Variants in SEMA5A observed in about 807,000 individuals in gnomAD.
The protein encoded by SEMA5A is semaphorin 5A.
Under a neutral mutation model 135.5 loss-of-function variants are expected in SEMA5A, and 55 were observed. That is an observed-to-expected ratio of 0.41 (90% CI 0.33 to 0.51). The LOEUF is 0.51. Ranked by LOEUF, SEMA5A falls within the 20% of genes least tolerant of loss-of-function variation. SEMA5A has a pLI of 0.37. For missense variants in SEMA5A, 1,290 were observed against 1,419.9 expected (o/e 0.91, Z 1.47); for synonymous variants, 580 against 546.5 (o/e 1.06, Z -0.85).
At chr5:9,340,601 G>A (rs528360209) in intron 3 of SEMA5A, among the ~76,000 whole-genome samples, 25 of 152,276 alleles carry the variant, frequency 1.6e-4, no homozygotes, top group African/African-American at 5.5e-4. Flanking sequence ...AAGGAGTCAT[G>A]TACAGAGGAA....
chr5:9,493,166 C>A (rs1295408073), intron 1 of SEMA5A, among the ~76,000 whole-genome samples: 1 of 151,660 alleles, frequency 6.6e-6, no homozygotes, highest in African/African-American at 2.4e-5. Flanking sequence ...TGCTGTTAAC[C>A]TAAAACTGCT....
intron 12 of SEMA5A, among the ~76,000 whole-genome samples, chr5:9,154,045 CAAAAAA>C (rs1157417525): frequency 0.05 from 1,695 of 33,992 alleles, 124 homozygotes; most frequent in East Asian, 0.4. Flanking sequence ...GACTGTGTCT[CAAAAAA>C]AAAAAAAAAA....
chr5:9,337,956 G>A, intron 3 of SEMA5A, 144 bp from the exon 4 acceptor site: 1 of 577,300 alleles, frequency 1.7e-6, no homozygotes. Flanking sequence ...GAGGCCACTG[G>A]AGGTTTCCCT....
chr5:9,449,040 C>T (rs1236761041), intron 1 of SEMA5A, among the ~76,000 whole-genome samples: 1 of 152,162 alleles, frequency 6.6e-6, no homozygotes, highest in Non-Finnish European at 1.5e-5. Context: ...GCAGAAATAC[C>T]ATTTGACCCA....
chr5:9,166,996 G>A (rs746736455), intron 11 of SEMA5A, among the ~76,000 whole-genome samples: 30 of 152,284 alleles, frequency 2.0e-4, no homozygotes, highest in Admixed American at 6.5e-4. Context: ...GCCCCCAGTG[G>A]TGAAATTTAT....
At chr5:9,432,910 T>A (rs1757906478) in intron 2 of SEMA5A, among the ~76,000 whole-genome samples, 1 of 152,192 alleles carries the variant, frequency 6.6e-6, no homozygotes, top group African/African-American at 2.4e-5. Context: ...ATAAAATTTT[T>A]TAAAAATGAA....
intron 3 of SEMA5A, among the ~76,000 whole-genome samples, chr5:9,359,617 A>T (rs1561184318): frequency 6.6e-6 from 1 of 152,188 alleles, no homozygotes; most frequent in Non-Finnish European, 1.5e-5. Flanking sequence ...TGCACCTATA[A>T]TAACTATTCC....
intron 14 of SEMA5A, 45 bp from the exon 15 acceptor site, chr5:9,119,186 G>C (rs1007360195): frequency 1.9e-6 from 3 of 1,597,944 alleles, no homozygotes; most frequent in African/African-American, 2.7e-5. Flanking sequence ...CGCAGGCTCA[G>C]AGTCCAAGCC....
chr5:9,242,432 T>C (rs1298715188), intron 5 of SEMA5A, among the ~76,000 whole-genome samples: 1 of 152,242 alleles, frequency 6.6e-6, no homozygotes, highest in Non-Finnish European at 1.5e-5. Flanking sequence ...ATGTGTTTGT[T>C]ATTTTTTCAC....
At chr5:9,398,731 G>GA (rs1287646496) in intron 2 of SEMA5A, among the ~76,000 whole-genome samples, 4 of 152,246 alleles carry the variant, frequency 2.6e-5, no homozygotes, top group African/African-American at 7.2e-5. Flanking sequence ...AAAAACTTTG[G>GA]AAAAAACTAT....
At chr5:9,155,819 G>A (rs1490338603) in intron 11 of SEMA5A, among the ~76,000 whole-genome samples, 2 of 152,220 alleles carry the variant, frequency 1.3e-5, no homozygotes, top group East Asian at 3.9e-4. Flanking sequence ...GAGGCTATTT[G>A]TGTTTAAAAA....
At chr5:9,214,034 G>A (rs1245914154) in intron 8 of SEMA5A, among the ~76,000 whole-genome samples, 1 of 152,142 alleles carries the variant, frequency 6.6e-6, no homozygotes, top group Admixed American at 6.5e-5. Flanking sequence ...ACCAGAGACT[G>A]GGGAAAATGG....
chr5:9,536,053 C>T (rs945341825), intron 1 of SEMA5A, among the ~76,000 whole-genome samples: 9 of 152,110 alleles, frequency 5.9e-5, no homozygotes, highest in Non-Finnish European at 1.3e-4. Flanking sequence ...AGCTTGAATC[C>T]CACAGCAAAG....
At chr5:9,314,902 C>T (rs12108751) in intron 5 of SEMA5A, among the ~76,000 whole-genome samples, 3,761 of 152,114 alleles carry the variant, frequency 0.025, 159 homozygotes, top group African/African-American at 0.086. Flanking sequence ...TTGCTTGGTG[C>T]TATGTCAGTA....
At chr5:9,071,052 GCTAA>G (rs1737742368) in intron 16 of SEMA5A, among the ~76,000 whole-genome samples, 1 of 152,176 alleles carries the variant, frequency 6.6e-6, no homozygotes, top group South Asian at 2.1e-4. Context: ...ATTTCAGGAA[GCTAA>G]CTATTATGAT....
At chr5:9,419,970 C>G (rs1757409444) in intron 2 of SEMA5A, among the ~76,000 whole-genome samples, 1 of 152,138 alleles carries the variant, frequency 6.6e-6, no homozygotes, top group African/African-American at 2.4e-5. Flanking sequence ...CATCTGCAGC[C>G]AAACCACTGG....
chr5:9,532,180 G>A (rs1737481904), intron 1 of SEMA5A, among the ~76,000 whole-genome samples: 1 of 152,048 alleles, frequency 6.6e-6, no homozygotes, highest in South Asian at 2.1e-4. Context: ...TCAGAATAAA[G>A]ATCTTAAATA....
intron 1 of SEMA5A, among the ~76,000 whole-genome samples, chr5:9,510,273 G>A (rs972409086): frequency 6.6e-6 from 1 of 152,158 alleles, no homozygotes; most frequent in African/African-American, 2.4e-5. Flanking sequence ...AGCACACCAA[G>A]CACTGTGTTA....
chr5:9,219,842 C>T (rs1432554468), intron 8 of SEMA5A, among the ~76,000 whole-genome samples: 8 of 152,238 alleles, frequency 5.3e-5, no homozygotes, highest in African/African-American at 1.7e-4. Flanking sequence ...GTAGGCTGAG[C>T]TGAAAGTACT....
Sources: gnomAD v4.1 joint callset for allele counts (sites outside exome capture counted in the v4.1 genomes callset) on GRCh38, gnomAD v4.1.1 for gene constraint, MANE v1.5 for transcripts, NCBI Gene and HGNC (gene_info 2026-07-23, HGNC 2026-07-21) for gene names.